The following LIPA variants were observed in gnomAD, a reference collection of about 807,000 sequenced individuals.
LIPA encodes lipase A, lysosomal acid type.
In LIPA, 26 loss-of-function variants were observed where a neutral mutation model predicts 40.6. The observed-to-expected ratio is 0.64, with a 90% CI of 0.47 to 0.89. The LOEUF is 0.89. Among genes scored for constraint, LIPA ranks in the 40% least tolerant of loss-of-function variants. The pLI is 0.00. For synonymous variants in LIPA, 188 were observed against 168.4 expected (o/e 1.12, Z -0.90); for missense variants, 455 against 479.6 (o/e 0.95, Z 0.48).
intron 6 of LIPA, 96 bp downstream of exon 6, chr10:89,224,996 G>A (rs1842748147): frequency 4.9e-6 from 7 of 1,427,788 alleles, no homozygotes; most frequent in Non-Finnish European, 6.9e-6. Flanking sequence ...CAAAACGCAG[G>A]GGAGGAAGGC....
In LIPA at chr10:89,310,284, C is replaced by G. The variant is rs1229087928; in HGVS notation, c.-2+32327G>C. 2.0e-5 allele frequency among the ~76,000 whole-genome samples: 3 copies of G among 152,290 alleles called. No homozygotes were observed. The East Asian group carries it at 5.8e-4, about 29-fold the overall frequency. On this transcript the variant is annotated intron_variant, in intron 1 of 5. Coordinates refer to the LIPA transcript ENST00000282673. ...GCTCAGACACAGTCCCTGGGGACAG[C>G]TGACCTTGAGTCATGCTGCACTTTC... is the stretch of plus-strand genomic sequence containing the variant.
At chr10:89,235,812 C>G (rs1433380597) in intron 3 of LIPA, among the ~76,000 whole-genome samples, 1 of 152,248 alleles carries the variant, frequency 6.6e-6, no homozygotes, top group Non-Finnish European at 1.5e-5. Context: ...TTGCTCAACT[C>G]TCTCTGAAGT....
intron 2 of LIPA, among the ~76,000 whole-genome samples, chr10:89,407,052 A>C (rs1431900885): frequency 6.6e-6 from 1 of 151,542 alleles, no homozygotes; most frequent in Non-Finnish European, 1.5e-5. Context: ...ACAACCCCCA[A>C]CTCTTTGGAG....
At chr10:89,284,765 C>A (rs1473688685) in intron 1 of LIPA, among the ~76,000 whole-genome samples, 2 of 152,178 alleles carry the variant, frequency 1.3e-5, no homozygotes, top group Non-Finnish European at 2.9e-5. Flanking sequence ...ACCCTGTGAC[C>A]TGCACGTATA....
intron 1 of LIPA, among the ~76,000 whole-genome samples, chr10:89,312,124 A>G (rs1050329885): frequency 2.0e-5 from 3 of 152,126 alleles, no homozygotes; most frequent in Non-Finnish European, 1.5e-5. Context: ...CATGCCTACC[A>G]GGTTATTTAT....
chr10:89,350,076 A>G (rs942375427), intron 2 of LIPA, among the ~76,000 whole-genome samples: 11 of 152,078 alleles, frequency 7.2e-5, no homozygotes, highest in African/African-American at 2.4e-4. Flanking sequence ...ACACCCCTCA[A>G]AGTTCAAAGT....
At position 89,394,604 on chromosome 10, in the gene LIPA, A is replaced by ATATATATATATATATATTT. The variant is rs1564807734; in HGVS notation, c.61+18186_61+18187insAAATATATATATATATATA. On this transcript the variant is annotated intron_variant, in intron 2 of 8. Coordinates refer to the LIPA transcript ENST00000371837. ...TATATATATATATATATATATATAT[A>ATATATATATATATATATTT]TATATATATATATATATATATATAA... is the stretch of plus-strand genomic sequence containing the variant. 1.7e-4 allele frequency among the ~76,000 whole-genome samples: 8 copies of ATATATATATATATATATTT among 48,140 alleles called. No individual in the cohort carries two copies. In the African/African-American group the frequency reaches 1.8e-3, roughly 11 times the overall value. 31.6% of individuals were successfully genotyped at this position (48,140 alleles called of 152,430 possible).
intron 1 of LIPA, among the ~76,000 whole-genome samples, chr10:89,282,460 A>C (rs1843320754): frequency 6.6e-6 from 1 of 151,920 alleles, no homozygotes; most frequent in African/African-American, 2.4e-5. Context: ...CAACATGGAG[A>C]AACCCCGTCT....
rs940215620 is a variant in LIPA at position 89,261,446 on chromosome 10, A to C, written c.-1-13797T>G. Among the ~76,000 whole-genome samples the C allele has an allele frequency of 4.6e-5, 7 of 152,318 alleles. No individual in the cohort carries two copies. The South Asian group carries it at 1.5e-3, about 32-fold the overall frequency. On this transcript the variant is annotated intron_variant, in intron 1 of 5. Coordinates refer to the LIPA transcript ENST00000282673. ...CTTGAACCCGGGAGGAGGAGGTTGC[A>C]GTGAGCCCAGATCGTGCCATTGCAC...
chr10:89,394,628 A>AT (rs1491430146), intron 2 of LIPA, among the ~76,000 whole-genome samples: 839 of 28,034 alleles, frequency 0.03, 126 homozygotes, highest in African/African-American at 0.23. Context: ...ATATATATAT[A>AT]AAACTTGAAT....
chr10:89,225,416 G>C (rs1160255565), intron 5 of LIPA, among the ~76,000 whole-genome samples, 188 bp from the exon 6 acceptor site: 1 of 152,134 alleles, frequency 6.6e-6, no homozygotes. Context: ...CACTGAATTT[G>C]GTTAAACTAG....
chr10:89,392,475 C>CT, intron 2 of LIPA: 1 of 242,468 alleles, frequency 4.1e-6, no homozygotes, highest in Non-Finnish European at 7.6e-6. Context: ...TTCCCCACCC[C>CT]CCCCCGTCAG....
intron 1 of LIPA, chr10:89,306,982 C>A: frequency 1.9e-6 from 3 of 1,614,032 alleles, no homozygotes; most frequent in Non-Finnish European, 2.5e-6. Context: ...TTCTTGCCAG[C>A]CTCCATGCTC....
At chr10:89,321,017 G>T (rs1215375678) in intron 1 of LIPA, among the ~76,000 whole-genome samples, 74 of 152,014 alleles carry the variant, frequency 4.9e-4, no homozygotes, top group African/African-American at 1.7e-3. Flanking sequence ...CTAGCCATAT[G>T]TAGAAAGCTG....
rs121965086 is a variant in LIPA at position 89,225,168 on chromosome 10, A to G, written c.599T>C (p.Leu200Pro). 1.9e-5 allele frequency: 31 copies of G among 1,614,102 alleles called. No homozygotes were observed. Among genetic ancestry groups the G allele is most frequent in the Non-Finnish European group, 2.5e-5 (29 of 1,180,016 alleles). The change falls in exon 6 of 10, where the codon CTG becomes CCG. Residue 200 changes from leucine to proline, a missense_variant. Coordinates refer to ENST00000336233, the MANE Select transcript of LIPA (RefSeq NM_000235.4). The stretch of plus-strand genomic sequence containing the variant: ...GAAGGCGACGGAAGCCACAGGACCC[A>G]GGGCAAAAAACATTTTAATCCTTTT... ...LAKRIKMFFA[L>P]GPVASVAFCT...
chr10:89,351,085 G>A (rs554494694), intron 2 of LIPA, among the ~76,000 whole-genome samples: 1 of 152,360 alleles, frequency 6.6e-6, no homozygotes, highest in East Asian at 1.9e-4. Flanking sequence ...GGAGGCTGAA[G>A]TGGGCGGATC....
chr10:89,291,885 G>A (rs1843377126), intron 1 of LIPA: 1 of 152,232 alleles, frequency 6.6e-6, no homozygotes, highest in Admixed American at 6.5e-5. Flanking sequence ...GGTGGGCCAT[G>A]AACTAGTGCT....
intron 1 of LIPA, chr10:89,338,839 C>T (rs1843793128): frequency 6.2e-7 from 1 of 1,614,140 alleles, no homozygotes. Context: ...CTACATAAAA[C>T]ACCTAGATGG....
At chr10:89,289,309 C>T (rs1843358821) in intron 1 of LIPA, among the ~76,000 whole-genome samples, 1 of 152,202 alleles carries the variant, frequency 6.6e-6, no homozygotes, top group Non-Finnish European at 1.5e-5. Context: ...ATTTCCTTTC[C>T]ATCATGGAAA....
Sources: allele counts gnomAD v4.1 joint callset (sites outside exome capture counted in the v4.1 genomes callset), GRCh38; gene constraint gnomAD v4.1.1; transcripts MANE v1.5; gene names NCBI Gene and HGNC (gene_info 2026-07-23, HGNC 2026-07-21).